The following AKAP19 variants were observed in gnomAD, a reference collection of about 807,000 sequenced individuals.
AKAP19 encodes the protein A-kinase anchoring protein 19.
At chr2:189,907,447 A>T in the AKAP19 span, among the ~76,000 whole-genome samples, 214 of 152,226 alleles carry the variant, frequency 1.4e-3, 1 homozygote, top group Non-Finnish European at 2.6e-3. Context: ...ATATCATCTT[A>T]TCAGAAAAAT....
the AKAP19 span, among the ~76,000 whole-genome samples, chr2:190,173,383 C>G: frequency 1.3e-5 from 2 of 152,088 alleles, no homozygotes; most frequent in African/African-American, 4.8e-5. Context: ...AAAAAATGTT[C>G]AAAAGATTGA....
At chr2:189,919,877 A>G in the AKAP19 span, among the ~76,000 whole-genome samples, 1 of 152,078 alleles carries the variant, frequency 6.6e-6, no homozygotes, top group Admixed American at 6.5e-5. Context: ...CTCTTCCTCT[A>G]TCTGCCTTCC....
chr2:190,109,041 T>G, the AKAP19 span, among the ~76,000 whole-genome samples: 1 of 152,194 alleles, frequency 6.6e-6, no homozygotes, highest in African/African-American at 2.4e-5. Context: ...AAGAGATGTC[T>G]TCATAGTATC....
the AKAP19 span, among the ~76,000 whole-genome samples, chr2:190,008,308 A>T: frequency 6.6e-6 from 1 of 152,290 alleles, no homozygotes; most frequent in Non-Finnish European, 1.5e-5. Context: ...TCCTAATCAT[A>T]AAATGTTTCA....
At chr2:190,035,130 G>A in the AKAP19 span, among the ~76,000 whole-genome samples, 1 of 152,016 alleles carries the variant, frequency 6.6e-6, no homozygotes, top group East Asian at 1.9e-4. Flanking sequence ...GGGACAAACA[G>A]TTGTATATGT....
At chr2:190,060,736 AATG>A in the AKAP19 span, among the ~76,000 whole-genome samples, 25 of 152,008 alleles carry the variant, frequency 1.6e-4, no homozygotes, top group Admixed American at 1.4e-3. Context: ...GAAATTTTAA[AATG>A]ATGATGATTA....
At chr2:190,144,399 G>C in the AKAP19 span, among the ~76,000 whole-genome samples, 7 of 151,916 alleles carry the variant, frequency 4.6e-5, no homozygotes, top group African/African-American at 1.7e-4. Context: ...AGATATCTTT[G>C]CTCTAAAACT....
At chr2:189,934,443 T>C in the AKAP19 span, among the ~76,000 whole-genome samples, 2 of 152,010 alleles carry the variant, frequency 1.3e-5, no homozygotes, top group South Asian at 4.1e-4. Flanking sequence ...ATTTCTATTT[T>C]TCTCCATTTT....
chr2:189,916,329 CT>C, the AKAP19 span, among the ~76,000 whole-genome samples: 78,756 of 106,338 alleles, frequency 0.74, 28,077 homozygotes, highest in Admixed American at 0.83. Context: ...TCTTTTTCTT[CT>C]TTTTTTTTTT....
chr2:190,110,072 A>T, the AKAP19 span, among the ~76,000 whole-genome samples: 1 of 152,210 alleles, frequency 6.6e-6, no homozygotes, highest in Non-Finnish European at 1.5e-5. Context: ...ACTGATCCTG[A>T]TGGGTCAAGA....
the AKAP19 span, among the ~76,000 whole-genome samples, chr2:189,886,627 C>T: frequency 0.017 from 2,539 of 152,244 alleles, 30 homozygotes; most frequent in Non-Finnish European, 0.026. Flanking sequence ...AATAAATAAA[C>T]GTCATATCAG....
chr2:190,118,266 A>G, the AKAP19 span, among the ~76,000 whole-genome samples: 1 of 152,346 alleles, frequency 6.6e-6, no homozygotes, highest in African/African-American at 2.4e-5. Flanking sequence ...AGACAGATTC[A>G]CAGCCGAATT....
chr2:189,954,828 AG>A, the AKAP19 span, among the ~76,000 whole-genome samples: 1 of 152,214 alleles, frequency 6.6e-6, no homozygotes, highest in Admixed American at 6.5e-5. Flanking sequence ...TAGACCAGGC[AG>A]TTGTACATTT....
chr2:190,112,736 A>G, the AKAP19 span, among the ~76,000 whole-genome samples: 1 of 152,146 alleles, frequency 6.6e-6, no homozygotes, highest in East Asian at 1.9e-4. Context: ...TATTATTTAT[A>G]GCATTTTGGA....
the AKAP19 span, among the ~76,000 whole-genome samples, chr2:190,147,999 T>C: frequency 2.6e-5 from 4 of 152,188 alleles, no homozygotes; most frequent in Non-Finnish European, 2.9e-5. Context: ...GCCCTTTATT[T>C]CTTTCTCTTG....
the AKAP19 span, among the ~76,000 whole-genome samples, chr2:190,126,276 C>T: frequency 0.028 from 1,394 of 49,690 alleles, 76 homozygotes; most frequent in Admixed American, 0.23. Flanking sequence ...GGCAACAGAG[C>T]GAGATTCCAT....
chr2:190,175,322 A>C, the AKAP19 span, among the ~76,000 whole-genome samples: 120 of 152,338 alleles, frequency 7.9e-4, no homozygotes, highest in South Asian at 6.2e-4. Context: ...AACTCAACAC[A>C]AAAAGGAATG....
the AKAP19 span, among the ~76,000 whole-genome samples, chr2:190,124,133 A>G: frequency 6.6e-6 from 1 of 152,228 alleles, no homozygotes; most frequent in Non-Finnish European, 1.5e-5. Flanking sequence ...CAGGGTCTCC[A>G]GATTGCAGAT....
chr2:190,004,965 CAATT>C, the AKAP19 span, among the ~76,000 whole-genome samples: 1 of 152,164 alleles, frequency 6.6e-6, no homozygotes, highest in African/African-American at 2.4e-5. Context: ...CTTAGTTCAA[CAATT>C]AAGCCACGGA....
Sources: allele counts gnomAD v4.1 joint callset (sites outside exome capture counted in the v4.1 genomes callset), GRCh38; gene constraint gnomAD v4.1.1; transcripts MANE v1.5; gene names NCBI Gene and HGNC (gene_info 2026-07-23, HGNC 2026-07-21).